ARHGAP26: variants seen among roughly 807,000 people sequenced by gnomAD.
The protein encoded by ARHGAP26 is rho GTPase-activating protein 26.
A neutral mutation model predicts 104.8 loss-of-function variants in ARHGAP26; 38 were observed. The ratio of observed to expected loss-of-function variants is 0.36; its 90% confidence interval spans 0.28 to 0.48. ARHGAP26 has a LOEUF of 0.48. Ranked by LOEUF, ARHGAP26 falls within the 20% of genes least tolerant of loss-of-function variation. ARHGAP26 has a pLI of 0.99. For synonymous variants in ARHGAP26, 341 were observed against 340.0 expected (o/e 1.00, Z -0.03); for missense variants, 704 against 947.9 (o/e 0.74, Z 3.38).
At chr5:143,111,463 T>TTTGGAGAGGGA (rs1031221497) in intron 17 of ARHGAP26, among the ~76,000 whole-genome samples, 1 of 152,210 alleles carries the variant, frequency 6.6e-6, no homozygotes, top group African/African-American at 2.4e-5. Flanking sequence ...ATTTGGGATA[T>TTTGGAGAGGGA]TAATGGAATT....
intron 11 of ARHGAP26, among the ~76,000 whole-genome samples, chr5:142,978,433 C>G (rs1434027396): frequency 6.6e-6 from 1 of 152,208 alleles, no homozygotes; most frequent in Non-Finnish European, 1.5e-5. Flanking sequence ...TGGTGCTGCT[C>G]TCATCATTGA....
intron 10 of ARHGAP26, among the ~76,000 whole-genome samples, chr5:142,925,484 T>C (rs1388853302): frequency 2.6e-5 from 4 of 152,238 alleles, no homozygotes; most frequent in African/African-American, 9.6e-5. Flanking sequence ...AAAGGTGTCA[T>C]TCTCCAAGAT....
intron 20 of ARHGAP26, among the ~76,000 whole-genome samples, chr5:143,205,371 C>T (rs1212257052): frequency 1.3e-5 from 2 of 152,118 alleles, no homozygotes; most frequent in East Asian, 3.8e-4. Context: ...TATTTCTTCT[C>T]TTATATGAAT....
chr5:142,795,849 T>C (rs887598271), intron 1 of ARHGAP26, among the ~76,000 whole-genome samples: 3 of 152,180 alleles, frequency 2.0e-5, no homozygotes, highest in African/African-American at 7.2e-5. Context: ...AGGTAAGTTA[T>C]GATGGAATGG....
At chr5:143,173,592 G>A (rs1803086282) in intron 20 of ARHGAP26, among the ~76,000 whole-genome samples, 1 of 152,186 alleles carries the variant, frequency 6.6e-6, no homozygotes, top group Non-Finnish European at 1.5e-5. Context: ...AATCCTCACA[G>A]TCACTTCTGA....
chr5:143,155,794 G>A (rs1254900418), intron 20 of ARHGAP26, among the ~76,000 whole-genome samples: 1 of 152,206 alleles, frequency 6.6e-6, no homozygotes, highest in Admixed American at 6.5e-5. Flanking sequence ...TAAAGGGTCT[G>A]TATTTTTTCT....
At chr5:143,181,829 A>T (rs1804421907) in intron 20 of ARHGAP26, among the ~76,000 whole-genome samples, 1 of 152,104 alleles carries the variant, frequency 6.6e-6, no homozygotes, top group African/African-American at 2.4e-5. Flanking sequence ...AATGCCTCCG[A>T]TTCAGGAATT....
chr5:143,037,164 GCAACTTGACTGT>G lies in ARHGAP26; in HGVS notation c.1145-30_1145-19del. 6.3e-7 allele frequency: 1 copy of G among 1,574,874 alleles called. No homozygotes were observed. The highest frequency in any genetic ancestry group is 8.7e-7 in the Non-Finnish European group (1 of 1,149,686). ...ATCCTGAGGTTGATTTCCATGGCTA[GCAACTTGACTGT>G]CCTTCTCTTGCTCTTTCAGCTGCGC... On this transcript the variant is annotated intron_variant, in intron 12 of 22. Coordinates refer to ENST00000645722, the MANE Select transcript of ARHGAP26 (RefSeq NM_001135608.3).
chr5:142,814,279 C>T (rs1561887432), intron 1 of ARHGAP26, among the ~76,000 whole-genome samples: 1 of 152,234 alleles, frequency 6.6e-6, no homozygotes, highest in Admixed American at 6.5e-5. Flanking sequence ...TCTGCAACTT[C>T]CCTGTTCTTC....
intron 20 of ARHGAP26, among the ~76,000 whole-genome samples, chr5:143,169,262 G>A (rs1052752717): frequency 1.3e-5 from 2 of 152,206 alleles, no homozygotes; most frequent in African/African-American, 4.8e-5. Context: ...ACCCATCAGT[G>A]TTCTTGGTTG....
At chr5:143,017,119 A>G (rs1779697171) in intron 12 of ARHGAP26, among the ~76,000 whole-genome samples, 1 of 152,224 alleles carries the variant, frequency 6.6e-6, no homozygotes, top group Non-Finnish European at 1.5e-5. Flanking sequence ...CTAGAGTCCA[A>G]ATTCCAAATG....
intron 10 of ARHGAP26, among the ~76,000 whole-genome samples, chr5:142,914,844 GA>G (rs1458203579): frequency 6.6e-6 from 1 of 152,178 alleles, no homozygotes; most frequent in Admixed American, 6.5e-5. Flanking sequence ...GCATGTGATT[GA>G]AGGGAATTCA....
intron 20 of ARHGAP26, among the ~76,000 whole-genome samples, chr5:143,156,987 G>A (rs985704837): frequency 5.9e-5 from 9 of 152,210 alleles, no homozygotes; most frequent in African/African-American, 2.2e-4. Context: ...TCTATTGTGT[G>A]TGTAACATGA....
At chr5:143,098,535 A>G (rs1055972440) in intron 17 of ARHGAP26, among the ~76,000 whole-genome samples, 7 of 152,334 alleles carry the variant, frequency 4.6e-5, no homozygotes, top group Admixed American at 1.3e-4. Context: ...AATCTACATT[A>G]GCTGAATTAT....
rs1755261260 is a variant in ARHGAP26 at position 142,871,305 on chromosome 5, C to T, written c.155-2095C>T. 6.6e-6 allele frequency among the ~76,000 whole-genome samples: 1 copy of T among 152,222 alleles called. No individual in the cohort carries two copies. Among genetic ancestry groups the T allele is most frequent in the Non-Finnish European group, 1.5e-5 (1 of 68,038 alleles). ...CTCACAAAGGCCCCGTTGTGCATGA[C>T]CAGCCACTCCCTGATCCTCCTGGCA... On this transcript the variant is annotated intron_variant, in intron 1 of 22. Transcript: ENST00000645722. This position sits in a 1 kb window ranked among gnomAD's most constrained non-coding sequence, Gnocchi z 4.1.
chr5:142,936,564 TAAAAC>T (rs1413096663), intron 11 of ARHGAP26, among the ~76,000 whole-genome samples: 2 of 152,108 alleles, frequency 1.3e-5, no homozygotes, highest in Non-Finnish European at 2.9e-5. Flanking sequence ...CCAAAATAGA[TAAAAC>T]AATTTTAAAA....
intron 20 of ARHGAP26, among the ~76,000 whole-genome samples, chr5:143,157,698 G>T (rs940634577): frequency 1.3e-5 from 2 of 152,156 alleles, no homozygotes; most frequent in Non-Finnish European, 2.9e-5. Flanking sequence ...ATAATGGATG[G>T]CATTACTATG....
intron 13 of ARHGAP26, among the ~76,000 whole-genome samples, chr5:143,039,380 G>T (rs1168545343): frequency 1.3e-5 from 2 of 151,916 alleles, no homozygotes; most frequent in East Asian, 3.9e-4. Context: ...GCTAATTTTT[G>T]TACTTTTAGT....
chr5:143,164,876 C>T (rs1801720092), intron 20 of ARHGAP26: 1 of 152,264 alleles, frequency 6.6e-6, no homozygotes, highest in South Asian at 2.1e-4. Context: ...AAATGTTCGA[C>T]AGAAACCTAA....
Sources: allele counts gnomAD v4.1 joint callset (sites outside exome capture counted in the v4.1 genomes callset), GRCh38; gene constraint gnomAD v4.1.1; non-coding constraint Gnocchi (gnomAD v3.1); transcripts MANE v1.5; gene names NCBI Gene and HGNC (gene_info 2026-07-23, HGNC 2026-07-21).